Variants in CCM2 observed in about 807,000 individuals in gnomAD.
The protein encoded by CCM2 is cerebral cavernous malformations 2 protein.
CCM2 carries 25 observed loss-of-function variants against 44.9 expected under a neutral mutation model. That is an observed-to-expected ratio of 0.56 (90% CI 0.41 to 0.78). CCM2 has a LOEUF of 0.78. Ranked by LOEUF, CCM2 falls within the 30% of genes least tolerant of loss-of-function variation. The pLI is 0.00. For missense variants in CCM2, 481 were observed against 580.6 expected (o/e 0.83, Z 1.76); for synonymous variants, 219 against 241.1 (o/e 0.91, Z 0.85).
At chr7:45,010,732 G>A (rs1449889283) in intron 1 of CCM2, among the ~76,000 whole-genome samples, 2 of 152,058 alleles carry the variant, frequency 1.3e-5, no homozygotes, top group South Asian at 2.1e-4. Flanking sequence ...TGAGTAGGTG[G>A]GATTATAGGT....
At chr7:45,034,220 T>G (rs576415567) in intron 1 of CCM2, among the ~76,000 whole-genome samples, 103 of 152,174 alleles carry the variant, frequency 6.8e-4, no homozygotes, top group African/African-American at 2.0e-3. Context: ...TTTTTTTTTT[T>G]TTTGTTTTGA....
intron 1 of CCM2, among the ~76,000 whole-genome samples, chr7:45,033,044 C>CAAAAAAAAAAAAAAA (rs60956411): frequency 1.7e-5 from 1 of 58,062 alleles, no homozygotes; most frequent in Non-Finnish European, 3.0e-5. Flanking sequence ...AACTCCGTCT[C>CAAAAAAAAAAAAAAA]AAAAAAAAAA....
chr7:45,060,012 A>C (rs1562903073), intron 2 of CCM2, among the ~76,000 whole-genome samples: 1 of 152,228 alleles, frequency 6.6e-6, no homozygotes, highest in Non-Finnish European at 1.5e-5. Flanking sequence ...TAAAATAAGA[A>C]AAATAAAAGA....
At chr7:45,016,787 C>T (rs1267030151) in intron 1 of CCM2, among the ~76,000 whole-genome samples, 3 of 152,204 alleles carry the variant, frequency 2.0e-5, no homozygotes, top group Non-Finnish European at 4.4e-5. Context: ...CGCCTACCAC[C>T]ACGCCTGGCT....
In CCM2 at chr7:45,057,323, C is replaced by T. The variant is rs578083927; in HGVS notation, c.205-6595C>T. On this transcript the variant is annotated intron_variant, in intron 2 of 9. Coordinates refer to ENST00000258781, the MANE Select transcript of CCM2 (RefSeq NM_031443.4). The stretch of plus-strand genomic sequence containing the variant: ...GACTACAGGTGTGCGCCGCCACACC[C>T]GGCTAAGTTTTGTATTGTTAGTAGA... Among the ~76,000 whole-genome samples, 12 of 152,202 alleles carry T rather than the reference C, an allele frequency of 7.9e-5. No homozygotes were observed. The East Asian group carries it at 1.2e-3, about 15-fold the overall frequency.
chr7:45,052,838 CT>C (rs1798075534), intron 2 of CCM2, among the ~76,000 whole-genome samples: 1 of 152,170 alleles, frequency 6.6e-6, no homozygotes, highest in African/African-American at 2.4e-5. Context: ...GGAAATGATA[CT>C]GTTTTTGATT....
intron 1 of CCM2, among the ~76,000 whole-genome samples, chr7:45,009,991 C>G (rs530058433): frequency 1.3e-4 from 20 of 151,994 alleles, no homozygotes; most frequent in African/African-American, 4.8e-4. Context: ...CACACTGCAG[C>G]CTTGACTTCC....
chr7:45,071,712 G>T (rs748630544), intron 6 of CCM2: 2 of 455,320 alleles, frequency 4.4e-6, no homozygotes. Flanking sequence ...AAAGGCGGCT[G>T]CATGCCTTGG....
chr7:45,053,319 G>A (rs1234916862), intron 2 of CCM2, among the ~76,000 whole-genome samples: 1 of 152,230 alleles, frequency 6.6e-6, no homozygotes, highest in Non-Finnish European at 1.5e-5. Context: ...CTCTCCTTCA[G>A]TCAGTGTTTC....
intron 1 of CCM2, among the ~76,000 whole-genome samples, chr7:45,028,164 A>T (rs895478372): frequency 1.3e-5 from 2 of 152,190 alleles, no homozygotes; most frequent in African/African-American, 4.8e-5. Context: ...AAAATGATGT[A>T]GGGAGATGGC....
intron 1 of CCM2, among the ~76,000 whole-genome samples, chr7:45,035,681 G>A (rs1012727490): frequency 6.6e-6 from 1 of 152,168 alleles, no homozygotes; most frequent in Non-Finnish European, 1.5e-5. Flanking sequence ...AAGCATTTTA[G>A]CAGATTATAG....
At chr7:45,020,911 ATAATACAG>A (rs987527722) in intron 1 of CCM2, among the ~76,000 whole-genome samples, 30 of 152,318 alleles carry the variant, frequency 2.0e-4, no homozygotes, top group African/African-American at 6.3e-4. Flanking sequence ...GTTAGCAGTA[ATAATACAG>A]TCTTATTACC....
chr7:45,050,545 A>G (rs66470952), intron 2 of CCM2, among the ~76,000 whole-genome samples: 1 of 152,076 alleles, frequency 6.6e-6, no homozygotes, highest in African/African-American at 2.4e-5. Flanking sequence ...TGTTTATTCA[A>G]ACTTTTTGGT....
chr7:45,034,026 A>G (rs948562744), intron 1 of CCM2, among the ~76,000 whole-genome samples: 1 of 152,126 alleles, frequency 6.6e-6, no homozygotes, highest in African/African-American at 2.4e-5. Flanking sequence ...CCGCACTGCA[A>G]ACTACCTGTC....
At chr7:45,033,718 C>T (rs1797077339) in intron 1 of CCM2, among the ~76,000 whole-genome samples, 1 of 152,170 alleles carries the variant, frequency 6.6e-6, no homozygotes, top group African/African-American at 2.4e-5. Flanking sequence ...TCTGTATTTC[C>T]ATAACCTCCA....
At chr7:45,021,811 C>T (rs1006340340) in intron 1 of CCM2, among the ~76,000 whole-genome samples, 1 of 152,008 alleles carries the variant, frequency 6.6e-6, no homozygotes, top group Non-Finnish European at 1.5e-5. Flanking sequence ...CCTGCTGTTG[C>T]CTTGCGTGGC....
chr7:45,040,425 A>G (rs1797435385), intron 2 of CCM2, among the ~76,000 whole-genome samples: 1 of 152,174 alleles, frequency 6.6e-6, no homozygotes, highest in Non-Finnish European at 1.5e-5. Context: ...TCAAAAAACA[A>G]AGAAGGTTAA....
chr7:45,027,937 A>G lies in CCM2; in HGVS notation c.31-10316A>G. Reference sequence around the variant, plus strand: ...CAGTCTCCATGACCCCTGCTTTGGGAGGATGGGGTGGGTGGAGGGTTCATT... The same window carrying G: ...CAGTCTCCATGACCCCTGCTTTGGGGGGATGGGGTGGGTGGAGGGTTCATT... On this transcript the variant is annotated intron_variant, in intron 1 of 9. Transcript: ENST00000258781. 7.9e-6 allele frequency: 7 copies of G among 884,134 alleles called. No individual in the cohort carries two copies. In the South Asian group the frequency reaches 9.9e-5, roughly 13 times the overall value. 54.8% of individuals were successfully genotyped at this position (884,134 alleles called of 1,614,324 possible). A position where few individuals can be genotyped will look rare whatever the true frequency, so the allele number is the denominator to read the frequency against.
chr7:45,056,539 T>C (rs1477066375), intron 2 of CCM2, among the ~76,000 whole-genome samples: 1 of 152,166 alleles, frequency 6.6e-6, no homozygotes, highest in Non-Finnish European at 1.5e-5. Context: ...TGAAGTGGTA[T>C]TTCATTACGG....
Sources: allele counts gnomAD v4.1 joint callset (sites outside exome capture counted in the v4.1 genomes callset), GRCh38; gene constraint gnomAD v4.1.1; transcripts MANE v1.5; gene names NCBI Gene and HGNC (gene_info 2026-07-23, HGNC 2026-07-21).